PCDH7: variants seen among roughly 807,000 people sequenced by gnomAD.
PCDH7 encodes protocadherin-7.
Under a neutral mutation model 58.9 loss-of-function variants are expected in PCDH7, and 17 were observed. The observed-to-expected ratio is 0.29, with a 90% CI of 0.20 to 0.43. The LOEUF (loss-of-function observed/expected upper bound fraction) is 0.43, where lower values mean the gene tolerates loss of function less well. Ranked by LOEUF, PCDH7 falls within the 20% of genes least tolerant of loss-of-function variation. The pLI, the probability that PCDH7 is intolerant of heterozygous loss-of-function variation, is 1.00. For missense variants in PCDH7, 1,274 were observed against 1,441.0 expected (o/e 0.88, Z 1.88); for synonymous variants, 664 against 616.4 (o/e 1.08, Z -1.14).
intron 1 of PCDH7, among the ~76,000 whole-genome samples, chr4:30,861,760 C>T (rs1476120493): frequency 6.6e-6 from 1 of 152,090 alleles, no homozygotes; most frequent in Admixed American, 6.6e-5. Flanking sequence ...ATCAAAGTAA[C>T]ATTCAATGAA....
chr4:30,842,262 A>C (rs1173017720), intron 1 of PCDH7, among the ~76,000 whole-genome samples: 1 of 152,150 alleles, frequency 6.6e-6, no homozygotes, highest in African/African-American at 2.4e-5. Flanking sequence ...GAAATAACTT[A>C]TTAAGGAGCA....
chr4:30,942,700 A>T (rs779272065), intron 2 of PCDH7, among the ~76,000 whole-genome samples: 9 of 152,048 alleles, frequency 5.9e-5, no homozygotes, highest in Non-Finnish European at 1.2e-4. Context: ...GGTTAAGAAC[A>T]TCACAATTGC....
chr4:30,745,977 T>A lies in PCDH7; in HGVS notation c.70+21381T>A, dbSNP rs572177986. 1.4e-4 allele frequency among the ~76,000 whole-genome samples: 21 copies of A among 152,150 alleles called. No individual in the cohort carries two copies. The East Asian group carries it at 3.7e-3, about 27-fold the overall frequency. The stretch of plus-strand genomic sequence containing the variant: ...GCCTCAGCCTCCCCAGTAGCTGGGA[T>A]TACAGGCATGCACCACCACATCTGG... On this transcript the variant is annotated intron_variant, in intron 1 of 3. Transcript: ENST00000509759.
chr4:31,135,354 C>G (rs1002972164), intron 3 of PCDH7, among the ~76,000 whole-genome samples: 1 of 152,110 alleles, frequency 6.6e-6, no homozygotes, highest in Non-Finnish European at 1.5e-5. Context: ...ATCATTTGCC[C>G]TTGAATTTTG....
rs577503062 is a variant in PCDH7, at chr4:30,902,266, A to G, written c.71-17887A>G. Among the ~76,000 whole-genome samples the G allele has an allele frequency of 7.2e-5, 11 of 152,262 alleles. No individual in the cohort carries two copies. In the South Asian group the frequency reaches 2.3e-3, roughly 32 times the overall value. On this transcript the variant is annotated intron_variant, in intron 1 of 3. Coordinates refer to the PCDH7 transcript ENST00000509759. Reference sequence around the variant, plus strand: ...TATTGGTCAGTTGTTGCAGTATGTAAGTCTGTGGCCCAGCCCTGTATCTCT... The same window carrying G: ...TATTGGTCAGTTGTTGCAGTATGTAGGTCTGTGGCCCAGCCCTGTATCTCT...
chr4:31,006,615 G>T (rs935513380), intron 3 of PCDH7, among the ~76,000 whole-genome samples: 1 of 152,108 alleles, frequency 6.6e-6, no homozygotes, highest in Admixed American at 6.6e-5. Flanking sequence ...GAACTAGGCC[G>T]GGTGTGGTGG....
intron 3 of PCDH7, among the ~76,000 whole-genome samples, chr4:31,057,436 T>A (rs1757348269): frequency 6.6e-6 from 1 of 152,166 alleles, no homozygotes; most frequent in South Asian, 2.1e-4. Context: ...TATGAACTTT[T>A]CTGTACTGGG....
Position 30,929,306 on chromosome 4 carries a change from G to T in PCDH7, c.287+8937G>T, listed in dbSNP as rs147945621. ...TTCAAGATTCAAGTTAAGCATACAGGTATTTATATTACAATCCCTTTATAC... is the reference window on the plus strand; with the variant it reads ...TTCAAGATTCAAGTTAAGCATACAGTTATTTATATTACAATCCCTTTATAC... On this transcript the variant is annotated intron_variant, in intron 2 of 3. Coordinates refer to the PCDH7 transcript ENST00000509759. 4.3e-3 allele frequency among the ~76,000 whole-genome samples: 659 copies of T among 152,232 alleles called. 3 individuals carry two copies. The highest frequency in any genetic ancestry group is 5.7e-3 in the Non-Finnish European group (389 of 67,990).
chr4:31,143,674 A>C (rs1314100193), downstream of PCDH7: 2 of 152,198 alleles, frequency 1.3e-5, no homozygotes, highest in Non-Finnish European at 2.9e-5. Flanking sequence ...AACTTGAACA[A>C]TTGTATCATC....
chr4:30,995,921 A>G (rs1392015979), intron 3 of PCDH7, among the ~76,000 whole-genome samples: 1 of 152,058 alleles, frequency 6.6e-6, no homozygotes, highest in Non-Finnish European at 1.5e-5. Flanking sequence ...TAATCTCCCC[A>G]TTTGAAAGTC....
chr4:31,009,296 A>G (rs1753003586), intron 3 of PCDH7, among the ~76,000 whole-genome samples: 1 of 152,068 alleles, frequency 6.6e-6, no homozygotes, highest in African/African-American at 2.4e-5. Flanking sequence ...TGGCATTGGA[A>G]AAATCTCACT....
chr4:30,767,632 A>G (rs910142141), intron 1 of PCDH7, among the ~76,000 whole-genome samples: 6 of 152,200 alleles, frequency 3.9e-5, no homozygotes, highest in African/African-American at 1.4e-4. Flanking sequence ...CATTTGGGCT[A>G]GGAATCTTTA....
chr4:30,858,645 C>G (rs965832810), intron 1 of PCDH7, among the ~76,000 whole-genome samples: 8 of 152,132 alleles, frequency 5.3e-5, no homozygotes, highest in Admixed American at 3.9e-4. Context: ...TAATACATCT[C>G]TGTAGCAAAG....
At chr4:31,088,158 T>C (rs967729871) in intron 3 of PCDH7, among the ~76,000 whole-genome samples, 3 of 152,058 alleles carry the variant, frequency 2.0e-5, no homozygotes, top group African/African-American at 4.8e-5. Context: ...TGAATGTGTG[T>C]TTTTAGGCCC....
intron 3 of PCDH7, among the ~76,000 whole-genome samples, chr4:31,113,633 T>C (rs919347889): frequency 6.6e-6 from 1 of 152,110 alleles, no homozygotes; most frequent in African/African-American, 2.4e-5. Context: ...AAATAGTTTA[T>C]TTTAATTTGT....
chr4:31,136,912 T>C (rs1719672780), intron 3 of PCDH7, among the ~76,000 whole-genome samples: 1 of 152,316 alleles, frequency 6.6e-6, no homozygotes, highest in East Asian at 1.9e-4. Flanking sequence ...AGCATTTAAT[T>C]ATTTTTTTCT....
At chr4:30,952,685 G>A (rs913446406) in intron 3 of PCDH7, among the ~76,000 whole-genome samples, 10 of 152,050 alleles carry the variant, frequency 6.6e-5, no homozygotes, top group African/African-American at 2.4e-4. Flanking sequence ...AAGCCTTTGA[G>A]GTAAAATGAC....
intron 1 of PCDH7, among the ~76,000 whole-genome samples, chr4:30,919,882 A>G (rs979572955): frequency 6.6e-6 from 1 of 152,156 alleles, no homozygotes; most frequent in African/African-American, 2.4e-5. Flanking sequence ...TGTGGAACTA[A>G]CATATCAGAT....
chr4:30,822,690 CA>C, intron 1 of PCDH7, among the ~76,000 whole-genome samples: 1 of 151,952 alleles, frequency 6.6e-6, no homozygotes, highest in East Asian at 1.9e-4. Context: ...GGTCATTGCA[CA>C]AGAAAGATTG....
Sources: gnomAD v4.1 joint callset for allele counts (sites outside exome capture counted in the v4.1 genomes callset) on GRCh38, gnomAD v4.1.1 for gene constraint, MANE v1.5 for transcripts, NCBI Gene and HGNC (gene_info 2026-07-23, HGNC 2026-07-21) for gene names.